Variants in SCFD1 observed in about 807,000 individuals in gnomAD.
The protein encoded by SCFD1 is sec1 family domain-containing protein 1.
Under a neutral mutation model 103.2 loss-of-function variants are expected in SCFD1, and 37 were observed. The ratio of observed to expected loss-of-function variants is 0.36; its 90% CI spans 0.28 to 0.47. The LOEUF (loss-of-function observed/expected upper bound fraction) is 0.47, where lower values mean the gene tolerates loss of function less well. Ranked by LOEUF, SCFD1 falls within the 20% of genes least tolerant of loss-of-function variation. SCFD1 has a pLI of 1.00. For missense variants in SCFD1, 639 were observed against 761.2 expected, an observed-to-expected ratio of 0.84 and a Z score of 1.89; for synonymous variants, 264 against 245.0, an observed-to-expected ratio of 1.08 and a Z score of -0.73.
intron 16 of SCFD1, among the ~76,000 whole-genome samples, 165 bp from the exon 17 acceptor site, chr14:30,702,131 T>A (rs1891122246): frequency 6.6e-6 from 1 of 152,236 alleles, no homozygotes; most frequent in Admixed American, 6.5e-5. Context: ...TTTCTTGTCT[T>A]GGGTGCTCAC....
chr14:30,683,177 G>T, intron 14 of SCFD1: 1 of 1,096,816 alleles, frequency 9.1e-7, no homozygotes, highest in Non-Finnish European at 1.4e-6. Flanking sequence ...CTAGTAGGCT[G>T]GAGATGGAGA....
Position 30,724,708 on chromosome 14 carries a change from T to G in SCFD1, c.1836+2149T>G, listed in dbSNP as rs114357790. Among the ~76,000 whole-genome samples, 804 of 152,318 alleles carry G rather than the reference T, an allele frequency of 5.3e-3. 8 individuals carry two copies. The highest frequency in any genetic ancestry group is 0.018 in the African/African-American group (751 of 41,566). ...TCTTTAGTTTGATCCCATTTGTCAATTTTTGCTTTTGTTGTAGTTACTTTT... is the reference window on the plus strand; with the variant it reads ...TCTTTAGTTTGATCCCATTTGTCAAGTTTTGCTTTTGTTGTAGTTACTTTT... On this transcript the variant is annotated intron_variant, in intron 23 of 24. Coordinates refer to ENST00000458591, the MANE Select transcript of SCFD1 (RefSeq NM_016106.4).
At chr14:30,669,477 ATACT>A (rs1483829757) in intron 10 of SCFD1, among the ~76,000 whole-genome samples, 3 of 152,064 alleles carry the variant, frequency 2.0e-5, no homozygotes, top group Admixed American at 1.3e-4. Context: ...AAGAAAAAAG[ATACT>A]TACTTTTATT....
chr14:30,713,029 T>G (rs1024848088), intron 19 of SCFD1, among the ~76,000 whole-genome samples: 1 of 152,212 alleles, frequency 6.6e-6, no homozygotes, highest in African/African-American at 2.4e-5. Flanking sequence ...TGCTAATATG[T>G]TAGCTGCTAA....
chr14:30,651,470 AT>A (rs1365868501), intron 9 of SCFD1, among the ~76,000 whole-genome samples: 1 of 152,032 alleles, frequency 6.6e-6, no homozygotes, highest in Non-Finnish European at 1.5e-5. Flanking sequence ...CAGTTTCCAC[AT>A]TATTTTAAAT....
At chr14:30,670,624 A>G (rs957337814) in intron 11 of SCFD1, among the ~76,000 whole-genome samples, 2 of 151,918 alleles carry the variant, frequency 1.3e-5, no homozygotes, top group African/African-American at 4.8e-5. Flanking sequence ...TCTCCTTTCA[A>G]TGAGATCATC....
chr14:30,712,387 T>C (rs1327957666), intron 19 of SCFD1, among the ~76,000 whole-genome samples: 1 of 152,116 alleles, frequency 6.6e-6, no homozygotes, highest in African/African-American at 2.4e-5. Flanking sequence ...AAGTTACAAA[T>C]AGTCACCATA....
At chr14:30,722,301 A>T (rs1892702482) in intron 22 of SCFD1, among the ~76,000 whole-genome samples, 193 bp from the exon 23 acceptor site, 1 of 152,160 alleles carries the variant, frequency 6.6e-6, no homozygotes, top group African/African-American at 2.4e-5. Flanking sequence ...TTGTTTCTGA[A>T]AAATCTCTTC....
intron 19 of SCFD1, among the ~76,000 whole-genome samples, chr14:30,714,818 A>G (rs969775837): frequency 2.0e-5 from 3 of 152,248 alleles, no homozygotes; most frequent in Non-Finnish European, 4.4e-5. Flanking sequence ...ATCCTGTACA[A>G]TTCACAAAGG....
intron 23 of SCFD1, 116 bp from the exon 24 acceptor site, chr14:30,734,674 T>C: frequency 1.3e-6 from 1 of 778,160 alleles, no homozygotes; most frequent in South Asian, 1.5e-5. Flanking sequence ...TCCAACAGTA[T>C]CCCAAAGAAA....
At chr14:30,639,096 C>T (rs572916397) in intron 5 of SCFD1, among the ~76,000 whole-genome samples, 3 of 152,152 alleles carry the variant, frequency 2.0e-5, no homozygotes, top group Non-Finnish European at 4.4e-5. Context: ...GACAGTGTCT[C>T]GCTCGCCCAG....
intron 23 of SCFD1, among the ~76,000 whole-genome samples, chr14:30,727,078 A>G (rs1893094322): frequency 6.6e-6 from 1 of 152,064 alleles, no homozygotes; most frequent in Non-Finnish European, 1.5e-5. Context: ...TCTCAGCAAA[A>G]GATCAGGGCT....
chr14:30,658,607 G>C (rs1470830327), intron 10 of SCFD1, among the ~76,000 whole-genome samples: 1 of 152,080 alleles, frequency 6.6e-6, no homozygotes, highest in African/African-American at 2.4e-5. Flanking sequence ...TAGCCAGACT[G>C]CTCTAGAATT....
intron 10 of SCFD1, among the ~76,000 whole-genome samples, chr14:30,654,439 C>T (rs1886702512): frequency 6.6e-6 from 1 of 152,170 alleles, no homozygotes; most frequent in South Asian, 2.1e-4. Flanking sequence ...TTTGGGAGGC[C>T]AAGGCAGGCG....
rs535577225 is a variant in SCFD1, at chr14:30,668,993, T to G, written c.856-1263T>G. On this transcript the variant is annotated intron_variant, in intron 10 of 24. Coordinates refer to ENST00000458591, the MANE Select transcript of SCFD1 (RefSeq NM_016106.4). ...TCAACCATTGTGGAAGACAGTGTGG[T>G]GATTCCTTAAGGATCTAGAACTAGA... Among the ~76,000 whole-genome samples the G allele has an allele frequency of 4.6e-5, 7 of 152,230 alleles. No individual in the cohort carries two copies. The South Asian group carries it at 1.2e-3, about 27-fold the overall frequency.
chr14:30,622,587 T>A lies in SCFD1; in HGVS notation c.61+188T>A. ...CTTGAGGACTCGGTTCCTCCTGTGG[T>A]GCAGGAGAAGGAGCTTCAGCGGTGG... On this transcript the variant is annotated intron_variant, in intron 1 of 24. Coordinates refer to ENST00000458591, the MANE Select transcript of SCFD1 (RefSeq NM_016106.4). The A allele has an allele frequency of 5.0e-6, 5 of 1,007,702 alleles. No homozygotes were observed. In the South Asian group the frequency reaches 1.1e-4, roughly 22 times the overall value. The allele number at this position is 1,007,702 out of a possible 1,614,324, so 62.4% of individuals were successfully genotyped here. A position where few individuals can be genotyped will look rare whatever the true frequency, so the allele number is the denominator to read the frequency against.
At chr14:30,733,260 G>A (rs777265768) in intron 23 of SCFD1, among the ~76,000 whole-genome samples, 7 of 151,974 alleles carry the variant, frequency 4.6e-5, no homozygotes, top group Non-Finnish European at 8.8e-5. Flanking sequence ...CACTTGCCTC[G>A]GCCTCCCAAA....
intron 14 of SCFD1, among the ~76,000 whole-genome samples, chr14:30,682,298 T>A (rs999686442): frequency 5.9e-5 from 9 of 152,224 alleles, no homozygotes; most frequent in Admixed American, 5.9e-4. Context: ...TGAATTTTGT[T>A]CAAGATTCCT....
intron 23 of SCFD1, among the ~76,000 whole-genome samples, chr14:30,727,293 G>T (rs190827398): frequency 3.9e-5 from 6 of 152,328 alleles, no homozygotes; most frequent in African/African-American, 9.6e-5. Context: ...TAATAGTTAC[G>T]TGGTGGTCTG....
Sources: gnomAD v4.1 joint callset for allele counts (sites outside exome capture counted in the v4.1 genomes callset) on GRCh38, gnomAD v4.1.1 for gene constraint, MANE v1.5 for transcripts, NCBI Gene and HGNC (gene_info 2026-07-23, HGNC 2026-07-21) for gene names.